SLC6A17: variants seen among roughly 807,000 people sequenced by gnomAD.
The protein encoded by SLC6A17 is sodium-dependent neutral amino acid transporter SLC6A17.
A neutral mutation model predicts 64.5 loss-of-function variants in SLC6A17; 21 were observed. The observed-to-expected ratio is 0.33, with a 90% CI of 0.23 to 0.47. The LOEUF (loss-of-function observed/expected upper bound fraction) is 0.47, where lower values mean the gene tolerates loss of function less well. Among genes scored for constraint, SLC6A17 ranks in the 20% least tolerant of loss-of-function variants. The probability of loss-of-function intolerance (pLI) is 1.00; values close to 1 mark genes in which losing one functional copy is unlikely to be tolerated. For missense variants in SLC6A17, 682 were observed against 963.2 expected (o/e 0.71, Z 3.86); for synonymous variants, 372 against 399.5 (o/e 0.93, Z 0.82).
At chr1:110,189,640 T>C (rs975538973) in intron 6 of SLC6A17, among the ~76,000 whole-genome samples, 6 of 152,180 alleles carry the variant, frequency 3.9e-5, no homozygotes, top group Non-Finnish European at 7.3e-5. Flanking sequence ...TACAGGCCTT[T>C]GATCTAACTT....
rs1657072184 is a variant in SLC6A17, at chr1:110,199,823, G to C, written c.*1379G>C. 4 of 393,716 alleles carry C rather than the reference G, an allele frequency of 1.0e-5. No homozygotes were observed. The highest frequency in any genetic ancestry group is 3.0e-4 in the South Asian group (2 of 6,762). 24.4% of individuals were successfully genotyped at this position (393,716 alleles called of 1,614,324 possible). ...AGCCAGGGAGGAACCTGACCCAAGA[G>C]TAAATGTCTGCAGAGAGATGGATGG... is the stretch of plus-strand genomic sequence containing the variant. On this transcript the variant is annotated 3_prime_UTR_variant, in exon 12 of 12. Coordinates refer to ENST00000331565, the MANE Select transcript of SLC6A17 (RefSeq NM_001010898.4).
chr1:110,198,547 T>A lies in SLC6A17; in HGVS notation c.*103T>A. 1.1e-5 allele frequency: 16 copies of A among 1,485,454 alleles called. No homozygotes were observed. The highest frequency in any genetic ancestry group is 2.2e-5 in the Admixed American group (1 of 45,376). The allele number at this position is 1,485,454 out of a possible 1,614,324, so 92.0% of individuals were successfully genotyped here. ...TGGCCACCAGGCCCAGGCCAGGCCC[T>A]TTGCCCAAGAAGAGAGGGTCTGCCC... On this transcript the variant is annotated 3_prime_UTR_variant, in exon 12 of 12. Transcript: ENST00000331565.
intron 1 of SLC6A17, among the ~76,000 whole-genome samples, chr1:110,159,300 T>G (rs2101838353): frequency 6.6e-6 from 1 of 152,320 alleles, no homozygotes; most frequent in Non-Finnish European, 1.5e-5. Context: ...CTGCCCTTGT[T>G]TACATGCACA....
At chr1:110,178,796 G>A (rs1003720164) in intron 6 of SLC6A17, 12 of 152,106 alleles carry the variant, frequency 7.9e-5, no homozygotes, top group Admixed American at 3.3e-4. Context: ...GGGCTCCACC[G>A]TCATGACCTA....
intron 2 of SLC6A17, among the ~76,000 whole-genome samples, chr1:110,169,306 G>C (rs1305092082): frequency 6.6e-6 from 1 of 152,122 alleles, no homozygotes; most frequent in Non-Finnish European, 1.5e-5. Context: ...CTTACTATGG[G>C]TAAGCCACTC....
At chr1:110,157,068 T>C (rs1655779007) in intron 1 of SLC6A17, among the ~76,000 whole-genome samples, 1 of 152,190 alleles carries the variant, frequency 6.6e-6, no homozygotes. Flanking sequence ...GCACATCTGG[T>C]TTGTAAAATT....
rs534966872 is a variant in SLC6A17 at position 110,198,395 on chromosome 1, G to A, written c.2135G>A (p.Arg712His). The A allele has an allele frequency of 5.0e-6, 8 of 1,613,890 alleles. No homozygotes were observed. The highest frequency in any genetic ancestry group is 2.2e-5 in the East Asian group (1 of 44,870). Residue 712 changes from arginine (R) to histidine (H), a missense_variant, in exon 12 of 12, where the codon CGC (arginine) becomes CAC (histidine). Transcript: ENST00000331565. ...GAGACCAGCGGTAACCCCAATGGAC[G>A]CTATGGGAGCGGCTACCTGCTGGCC... ...PLETSGNPNG[R>H]YGSGYLLAST...
intron 1 of SLC6A17, among the ~76,000 whole-genome samples, chr1:110,156,374 G>A (rs1319856290): frequency 1.3e-5 from 2 of 152,184 alleles, no homozygotes; most frequent in African/African-American, 2.4e-5. Flanking sequence ...GTAGCATGTG[G>A]CCCAGAAATA....
chr1:110,168,990 T>C (rs1366555193), intron 2 of SLC6A17, among the ~76,000 whole-genome samples: 1 of 152,264 alleles, frequency 6.6e-6, no homozygotes, highest in Non-Finnish European at 1.5e-5. Flanking sequence ...CAATCCCTTT[T>C]TATCTCTACC....
intron 1 of SLC6A17, 89 bp from the exon 2 acceptor site, chr1:110,166,754 T>G: frequency 4.2e-6 from 3 of 718,952 alleles, no homozygotes; most frequent in Non-Finnish European, 6.5e-6. Flanking sequence ...CACAGTGTGA[T>G]GGGGAGTTAA....
At chr1:110,151,755 T>C (rs1655614053) in intron 1 of SLC6A17, among the ~76,000 whole-genome samples, 1 of 152,186 alleles carries the variant, frequency 6.6e-6, no homozygotes, top group Non-Finnish European at 1.5e-5. Context: ...CCCTGTCAAG[T>C]TGGCTTTAGA....
At chr1:110,151,963 C>A (rs1655621622) in intron 1 of SLC6A17, among the ~76,000 whole-genome samples, 1 of 152,130 alleles carries the variant, frequency 6.6e-6, no homozygotes, top group East Asian at 1.9e-4. Context: ...TCCTTGTTAA[C>A]AGGAACTTCA....
chr1:110,189,095 C>A (rs1178624637), intron 6 of SLC6A17, among the ~76,000 whole-genome samples: 2 of 152,176 alleles, frequency 1.3e-5, no homozygotes, highest in Non-Finnish European at 2.9e-5. Flanking sequence ...TGCTTCTTAT[C>A]CCTCTGTAAC....
chr1:110,165,181 C>T (rs1656011858), intron 1 of SLC6A17, among the ~76,000 whole-genome samples: 1 of 152,172 alleles, frequency 6.6e-6, no homozygotes, highest in Admixed American at 6.5e-5. Flanking sequence ...CCCTGGCAGC[C>T]CAGGCAAGGA....
At position 110,173,894 on chromosome 1, in the gene SLC6A17, T is replaced by TAA; in HGVS notation, c.445-79_445-78insAA. The TAA allele has an allele frequency of 4.6e-6, 7 of 1,508,852 alleles. No individual in the cohort carries two copies. The Admixed American group carries it at 6.2e-5, about 13-fold the overall frequency. 93.5% of individuals were successfully genotyped at this position (1,508,852 alleles called of 1,614,324 possible). ...TGCTGTGTTTATGGCGCTGCCGACG[T>TAA]GCTGGGCCTCGGGTGGAGCGTGGGG... On this transcript the variant is annotated intron_variant, in intron 3 of 11. Transcript: ENST00000331565.
chr1:110,174,547 T>A (rs748466123), intron 4 of SLC6A17, among the ~76,000 whole-genome samples: 2 of 152,114 alleles, frequency 1.3e-5, no homozygotes, highest in Non-Finnish European at 2.9e-5. Flanking sequence ...GCAGGAGGCA[T>A]GGGTGGGAAT....
Position 110,198,529 on chromosome 1 carries a change from C to G in SLC6A17, c.*85C>G. The G allele has an allele frequency of 6.6e-7, 1 of 1,520,240 alleles. No homozygotes were observed. The highest frequency in any genetic ancestry group is 8.8e-7 in the Non-Finnish European group (1 of 1,139,772). The allele number at this position is 1,520,240 out of a possible 1,614,324, so 94.2% of individuals were successfully genotyped here. ...CTGGCCTCTTTCTTGAGGTGGCCAC[C>G]AGGCCCAGGCCAGGCCCTTTGCCCA... On this transcript the variant is annotated 3_prime_UTR_variant, in exon 12 of 12. Transcript: ENST00000331565.
intron 2 of SLC6A17, among the ~76,000 whole-genome samples, chr1:110,170,294 C>G (rs1241880470): frequency 6.6e-6 from 1 of 152,108 alleles, no homozygotes; most frequent in Non-Finnish European, 1.5e-5. Flanking sequence ...ACCATCCTGG[C>G]TAACATGGTG....
intron 6 of SLC6A17, among the ~76,000 whole-genome samples, chr1:110,186,133 TAACA>T (rs1156722043): frequency 2.0e-5 from 3 of 152,196 alleles, no homozygotes; most frequent in Admixed American, 6.5e-5. Context: ...AGAGCAATCT[TAACA>T]AACAAATTTT....
Sources: gnomAD v4.1 joint callset for allele counts (sites outside exome capture counted in the v4.1 genomes callset) on GRCh38, gnomAD v4.1.1 for gene constraint, MANE v1.5 for transcripts, NCBI Gene and HGNC (gene_info 2026-07-23, HGNC 2026-07-21) for gene names.